LUC7L3: variants seen among roughly 807,000 people sequenced by gnomAD.
The protein encoded by LUC7L3 is luc7-like protein 3.
LUC7L3 carries 6 observed loss-of-function variants against 66.8 expected under a neutral mutation model. The ratio of observed to expected loss-of-function variants is 0.09; its 90% CI spans 0.05 to 0.18. The LOEUF (loss-of-function observed/expected upper bound fraction) is 0.18. Ranked by LOEUF, LUC7L3 falls within the 10% of genes least tolerant of loss-of-function variation. The pLI is 1.00. For missense variants in LUC7L3, 341 were observed against 531.1 expected, an observed-to-expected ratio of 0.64 and a Z score of 3.52; for synonymous variants, 160 against 174.7, an observed-to-expected ratio of 0.92 and a Z score of 0.66.
rs79915367 is a variant in LUC7L3, at chr17:50,723,952, TC to T, written c.99+4123del. The T allele has an allele frequency of 0.014, 6,179 of 455,700 alleles. 347 individuals are homozygous for T. In the East Asian group the frequency reaches 0.19, roughly 14 times the overall value. The allele number at this position is 455,700 out of a possible 1,614,324, so 28.2% of individuals were successfully genotyped here. A position where few individuals can be genotyped will look rare whatever the true frequency, so the allele number is the denominator to read the frequency against. On this transcript the variant is annotated intron_variant, in intron 1 of 9. Transcript: ENST00000505658. ...GCCCGGCTGGCATTTCCTACCTTAC[TC>T]CATAGTAAAATAGTAAGTGTTGGCT...
intron 5 of LUC7L3, among the ~76,000 whole-genome samples, chr17:50,743,210 A>T (rs114994127): frequency 3.3e-4 from 39 of 117,756 alleles, no homozygotes; most frequent in South Asian, 8.1e-4. Context: ...CCTTTTTTTT[A>T]AAAAAAAAAA....
chr17:50,755,003 A>G lies in LUC7L3; in HGVS notation c.*4342A>G, dbSNP rs1971085296. 6.6e-6 allele frequency: 1 copy of G among 152,184 alleles called. No individual in the cohort carries two copies. Among genetic ancestry groups the G allele is most frequent in the African/African-American group, 2.4e-5 (1 of 41,436 alleles). 9.4% of individuals were successfully genotyped at this position (152,184 alleles called of 1,614,324 possible). ...ATGGGCTATGTGAATATGTTTTTAA[A>G]CATCTGATATGTGCATGAAACAAAA... is the stretch of plus-strand genomic sequence containing the variant. On this transcript the variant is annotated 3_prime_UTR_variant, in exon 10 of 10. Transcript: ENST00000505658.
At chr17:50,734,728 A>G (rs989868887) in intron 1 of LUC7L3, among the ~76,000 whole-genome samples, 8 of 152,268 alleles carry the variant, frequency 5.3e-5, no homozygotes, top group Admixed American at 2.0e-4. Context: ...ATAAAGCTGT[A>G]TCAGAGTAAT....
At chr17:50,740,872 A>T (rs1235166695) in intron 3 of LUC7L3, among the ~76,000 whole-genome samples, 1 of 152,148 alleles carries the variant, frequency 6.6e-6, no homozygotes, top group Non-Finnish European at 1.5e-5. Context: ...GATTTTATCC[A>T]TGAGACTTGT....
Position 50,719,715 on chromosome 17 carries a change from C to A in LUC7L3, c.-18C>A, listed in dbSNP as rs1290395232. 1.9e-6 allele frequency: 3 copies of A among 1,599,924 alleles called. No individual in the cohort carries two copies. Among genetic ancestry groups the A allele is most frequent in the East Asian group, 4.5e-5 (2 of 44,330 alleles). ...CGGGTGCCTGGGCTGGTGGGAACAG[C>A]CGCCCGAAGGAAGCACCATGATTTC... On this transcript the variant is annotated 5_prime_UTR_variant, in exon 1 of 10. Coordinates refer to ENST00000505658, the MANE Select transcript of LUC7L3 (RefSeq NM_016424.5).
chr17:50,740,544 CT>C (rs972047356), intron 3 of LUC7L3, among the ~76,000 whole-genome samples, 199 bp downstream of exon 3: 1 of 151,444 alleles, frequency 6.6e-6, no homozygotes, highest in African/African-American at 2.4e-5. Flanking sequence ...GTATGTCAGA[CT>C]TTTTTTTTCT....
At chr17:50,731,182 T>C (rs1376561506) in intron 1 of LUC7L3, among the ~76,000 whole-genome samples, 1 of 152,176 alleles carries the variant, frequency 6.6e-6, no homozygotes, top group Non-Finnish European at 1.5e-5. Flanking sequence ...GGGTTTATTC[T>C]TTTTTTGAGA....
chr17:50,732,173 A>T (rs1969649363), intron 1 of LUC7L3, among the ~76,000 whole-genome samples: 1 of 152,176 alleles, frequency 6.6e-6, no homozygotes, highest in African/African-American at 2.4e-5. Flanking sequence ...TAAGGGCAGG[A>T]TTTACAGTAA....
intron 1 of LUC7L3, among the ~76,000 whole-genome samples, chr17:50,734,557 G>A (rs1969854154): frequency 2.0e-5 from 3 of 152,176 alleles, no homozygotes; most frequent in African/African-American, 7.2e-5. Flanking sequence ...TGTGGTCCTA[G>A]CACACTACAG....
rs1213582960 is a variant in LUC7L3, at chr17:50,745,860, A to G, written c.834A>G (p.Glu278=). The change falls in exon 8 of 10, where the codon GAA becomes GAG. Residue 278 remains glutamate (E), a synonymous_variant. Coordinates refer to ENST00000505658, the MANE Select transcript of LUC7L3 (RefSeq NM_016424.5). ...GGAAAAGACGAAGGGAAGAGGAAGA[A>G]AGAGAAAAAGAAAGGGCTCGTGACA... ...RERKRRREEE[E]REKERARDRE... is the part of the protein sequence containing the mutation. 6.3e-7 allele frequency: 1 copy of G among 1,599,062 alleles called. No individual in the cohort carries two copies. Among genetic ancestry groups the G allele is most frequent in the African/African-American group, 1.3e-5 (1 of 74,576 alleles).
chr17:50,722,082 A>C (rs1968807955), intron 1 of LUC7L3: 23 of 150,952 alleles, frequency 1.5e-4, no homozygotes, highest in Admixed American at 1.5e-3. Flanking sequence ...TTTTAAATGC[A>C]TATTTCTGTA....
intron 1 of LUC7L3, among the ~76,000 whole-genome samples, chr17:50,731,865 A>T (rs1362802990): frequency 3.9e-5 from 6 of 152,226 alleles, no homozygotes; most frequent in Non-Finnish European, 7.3e-5. Context: ...AACATTTAAA[A>T]TAATAATGTG....
rs577213689 is a variant in LUC7L3 at position 50,746,320 on chromosome 17, C to T, written c.978-222C>T. Among the ~76,000 whole-genome samples, 3 of 152,218 alleles carry T rather than the reference C, an allele frequency of 2.0e-5. No homozygotes were observed. The East Asian group carries it at 5.8e-4, about 29-fold the overall frequency. Reference sequence around the variant, plus strand: ...AGCCATACTGTTTTAATTATAATTACAAATTGAAGAAGAGTCTTAAAGAGC... The same window carrying T: ...AGCCATACTGTTTTAATTATAATTATAAATTGAAGAAGAGTCTTAAAGAGC... On this transcript the variant is annotated intron_variant, in intron 8 of 9. Coordinates refer to ENST00000505658, the MANE Select transcript of LUC7L3 (RefSeq NM_016424.5).
chr17:50,724,921 C>T (rs1451960439), intron 1 of LUC7L3, among the ~76,000 whole-genome samples: 1 of 151,830 alleles, frequency 6.6e-6, no homozygotes, highest in Non-Finnish European at 1.5e-5. Context: ...GCCACCATGC[C>T]TGACTAATTT....
chr17:50,748,797 T>C (rs1382302399), intron 9 of LUC7L3, among the ~76,000 whole-genome samples: 3 of 152,070 alleles, frequency 2.0e-5, no homozygotes, highest in Non-Finnish European at 4.4e-5. Context: ...GAATCTCTTT[T>C]AGAAGTGATA....
At position 50,754,857 on chromosome 17, in the gene LUC7L3, C is replaced by T. The variant is rs1407201241; in HGVS notation, c.*4196C>T. On this transcript the variant is annotated 3_prime_UTR_variant, in exon 10 of 10. Transcript: ENST00000505658. ...TTCTAAGGTCTGAGAACACTTGGAC[C>T]ACATATTGGTTGAGCTCAGCCACCT... 1.3e-5 allele frequency: 2 copies of T among 152,094 alleles called. No homozygotes were observed. The highest frequency in any genetic ancestry group is 4.8e-5 in the African/African-American group (2 of 41,424). 9.4% of individuals were successfully genotyped at this position (152,094 alleles called of 1,614,324 possible).
chr17:50,741,666 C>G lies in LUC7L3; in HGVS notation c.361C>G (p.Pro121Ala). 6.2e-7 allele frequency: 1 copy of G among 1,612,960 alleles called. No homozygotes were observed. Residue 121 changes from proline (P) to alanine (A), a missense_variant, in exon 5 of 10, where the codon CCA becomes GCA. Transcript: ENST00000505658. ...TTATTGTCTTCAATAGGCCGCTGGC[C>G]CAACAGGCAAAAATGAAGAAAAAAT... ...QNQQSSGAAG[P>A]TGKNEEKIQV... is the part of the protein sequence containing the mutation.
At chr17:50,741,407 A>T in intron 4 of LUC7L3, 161 bp downstream of exon 4, 1 of 757,444 alleles carries the variant, frequency 1.3e-6, no homozygotes, top group Non-Finnish European at 2.0e-6. Flanking sequence ...TTATTAGCAA[A>T]CATAACACTG....
Position 50,745,968 on chromosome 17 carries a change from C to G in LUC7L3, c.942C>G (p.His314Gln). ...SDRRCSRSRD[H>Q]KRSRSRERRR... ...GAAGATGCAGCAGGTCTCGGGACCA[C>G]AAAAGGTCACGAAGTAGAGAAAGAA... is the stretch of plus-strand genomic sequence containing the variant. Residue 314 changes from histidine to glutamine, a missense_variant, in exon 8 of 10, where the codon CAC becomes CAG. Coordinates refer to ENST00000505658, the MANE Select transcript of LUC7L3 (RefSeq NM_016424.5). 6.2e-7 allele frequency: 1 copy of G among 1,606,070 alleles called. No individual in the cohort carries two copies. Among genetic ancestry groups the G allele is most frequent in the Non-Finnish European group, 8.5e-7 (1 of 1,178,092 alleles).
Sources: gnomAD v4.1 joint callset for allele counts (sites outside exome capture counted in the v4.1 genomes callset) on GRCh38, gnomAD v4.1.1 for gene constraint, MANE v1.5 for transcripts, NCBI Gene and HGNC (gene_info 2026-07-23, HGNC 2026-07-21) for gene names.